ITCH: variants seen among roughly 807,000 people sequenced by gnomAD.
ITCH encodes the protein E3 ubiquitin-protein ligase Itchy homolog.
A neutral mutation model predicts 126.8 loss-of-function variants in ITCH; 28 were observed. That is an observed-to-expected ratio of 0.22 (90% confidence interval 0.16 to 0.30). ITCH has a LOEUF of 0.30. Ranked by LOEUF, ITCH falls within the 10% of genes least tolerant of loss-of-function variation. The probability of loss-of-function intolerance (pLI) is 1.00; values close to 1 mark genes in which losing one functional copy is unlikely to be tolerated. For missense variants in ITCH, 631 were observed against 1,032.4 expected, an observed-to-expected ratio of 0.61 and a Z score of 5.33; for synonymous variants, 342 against 340.0, an observed-to-expected ratio of 1.01 and a Z score of -0.06.
At chr20:34,409,979 A>G (rs371171032) in intron 4 of ITCH, among the ~76,000 whole-genome samples, 2 of 151,838 alleles carry the variant, frequency 1.3e-5, no homozygotes, top group Non-Finnish European at 2.9e-5. Context: ...GCAGTTTGAT[A>G]TGATTGCTCC....
chr20:34,385,005 G>A (rs963687910), intron 2 of ITCH, among the ~76,000 whole-genome samples: 1 of 151,032 alleles, frequency 6.6e-6, no homozygotes, highest in Non-Finnish European at 1.5e-5. Flanking sequence ...TTTAGAGATG[G>A]TCAGAAACAA....
At chr20:34,438,425 G>A in intron 7 of ITCH, 49 bp from the exon 8 acceptor site, 1 of 1,584,906 alleles carries the variant, frequency 6.3e-7, no homozygotes, top group Non-Finnish European at 8.7e-7. Flanking sequence ...AATTCAAGGA[G>A]TATTCATTAT....
chr20:34,448,363 A>T (rs1984730296), intron 11 of ITCH, among the ~76,000 whole-genome samples: 1 of 152,064 alleles, frequency 6.6e-6, no homozygotes, highest in African/African-American at 2.4e-5. Context: ...ACTGTACTCC[A>T]GCCTGGGCGA....
intron 23 of ITCH, among the ~76,000 whole-genome samples, chr20:34,493,347 G>A (rs1323649507): frequency 1.3e-5 from 2 of 152,188 alleles, no homozygotes; most frequent in African/African-American, 4.8e-5. Flanking sequence ...TACCGTGAGG[G>A]TATTGGAAGC....
chr20:34,476,465 C>T lies in ITCH; in HGVS notation c.1570-1307C>T, dbSNP rs1462116563. The T allele has an allele frequency of 1.9e-5, 23 of 1,215,196 alleles. No individual in the cohort carries two copies. In the East Asian group the frequency reaches 5.8e-4, roughly 31 times the overall value. The allele number at this position is 1,215,196 out of a possible 1,614,324, so 75.3% of individuals were successfully genotyped here. The stretch of plus-strand genomic sequence containing the variant: ...GCGCGCAGCAGCCGGGCGCCCCCAG[C>T]GGCAGCCATCGCCCGCGGTCGGGAA... On this transcript the variant is annotated intron_variant, in intron 16 of 24. Transcript: ENST00000374864.
intron 17 of ITCH, among the ~76,000 whole-genome samples, chr20:34,479,013 T>C (rs1296285887): frequency 6.6e-6 from 1 of 152,226 alleles, no homozygotes; most frequent in Non-Finnish European, 1.5e-5. Flanking sequence ...GTAGTTTTAG[T>C]AACCATAATC....
At chr20:34,402,115 C>T in intron 3 of ITCH, 1 of 867,998 alleles carries the variant, frequency 1.2e-6, no homozygotes, top group Non-Finnish European at 1.9e-6. Context: ...ATGCCAACAC[C>T]AGCTATGCAG....
intron 22 of ITCH, among the ~76,000 whole-genome samples, chr20:34,490,673 A>G (rs777785951): frequency 1.3e-5 from 2 of 152,196 alleles, no homozygotes; most frequent in Non-Finnish European, 2.9e-5. Flanking sequence ...GAGATACCAC[A>G]TCACACTTAG....
intron 24 of ITCH, among the ~76,000 whole-genome samples, chr20:34,506,863 T>A (rs1990650168): frequency 6.6e-6 from 1 of 152,212 alleles, no homozygotes. Context: ...TAGAATAATA[T>A]CTTTAATTTT....
chr20:34,387,920 G>T (rs2038347408), intron 2 of ITCH, among the ~76,000 whole-genome samples: 1 of 152,020 alleles, frequency 6.6e-6, no homozygotes, highest in African/African-American at 2.4e-5. Context: ...GGACAGGATG[G>T]TCTTAATCTC....
chr20:34,364,845 C>G (rs1301249251), intron 1 of ITCH, among the ~76,000 whole-genome samples: 1 of 141,388 alleles, frequency 7.1e-6, no homozygotes, highest in Non-Finnish European at 1.5e-5. Flanking sequence ...GAGCCGAGAT[C>G]TCGCTGCTGC....
At chr20:34,500,567 C>T (rs571940072) in intron 23 of ITCH, among the ~76,000 whole-genome samples, 2 of 152,228 alleles carry the variant, frequency 1.3e-5, no homozygotes, top group East Asian at 3.9e-4. Context: ...ACGGGTAAAG[C>T]AAGTTTCTTG....
chr20:34,379,728 G>A (rs1203127411), intron 2 of ITCH, among the ~76,000 whole-genome samples: 1 of 151,028 alleles, frequency 6.6e-6, no homozygotes, highest in Non-Finnish European at 1.5e-5. Context: ...CCAAGTAGCT[G>A]GGAGTACAGG....
intron 7 of ITCH, among the ~76,000 whole-genome samples, chr20:34,438,172 T>C (rs1983262689): frequency 6.6e-6 from 1 of 152,216 alleles, no homozygotes; most frequent in Non-Finnish European, 1.5e-5. Context: ...TTCCTGTTCA[T>C]ATAGGGCCTT....
intron 13 of ITCH, among the ~76,000 whole-genome samples, chr20:34,461,448 C>T (rs1315646124): frequency 1.3e-5 from 2 of 152,106 alleles, no homozygotes; most frequent in Non-Finnish European, 1.5e-5. Context: ...CAGTGGCTCA[C>T]GCCTGTAATT....
At chr20:34,439,868 T>C (rs1409925233) in intron 8 of ITCH, among the ~76,000 whole-genome samples, 1 of 152,236 alleles carries the variant, frequency 6.6e-6, no homozygotes, top group Non-Finnish European at 1.5e-5. Context: ...TAATTTCCTA[T>C]TCTAAAAGTT....
intron 24 of ITCH, among the ~76,000 whole-genome samples, chr20:34,506,763 A>G (rs1363923584): frequency 6.6e-6 from 1 of 152,184 alleles, no homozygotes; most frequent in Non-Finnish European, 1.5e-5. Context: ...CCTGGCAAAC[A>G]TCATTCTACT....
chr20:34,427,028 C>A (rs560051008), intron 7 of ITCH, among the ~76,000 whole-genome samples: 1 of 152,244 alleles, frequency 6.6e-6, no homozygotes, highest in South Asian at 2.1e-4. Flanking sequence ...CCTGCCTCAG[C>A]CTTCCAAAGT....
At chr20:34,401,540 G>T (rs1338455093) in intron 3 of ITCH, 1 of 475,046 alleles carries the variant, frequency 2.1e-6, no homozygotes, top group Non-Finnish European at 2.7e-6. Flanking sequence ...CTCAAGGGTG[G>T]AGTAAAAAGG....
Sources: allele counts gnomAD v4.1 joint callset (sites outside exome capture counted in the v4.1 genomes callset), GRCh38; gene constraint gnomAD v4.1.1; transcripts MANE v1.5; gene names NCBI Gene and HGNC (gene_info 2026-07-23, HGNC 2026-07-21).